Variants in RNF8 observed in about 807,000 individuals in gnomAD.
The protein encoded by RNF8 is E3 ubiquitin-protein ligase RNF8.
In RNF8, 8 loss-of-function variants were observed where a neutral mutation model predicts 59.3. The ratio of observed to expected loss-of-function variants is 0.13; its 90% CI spans 0.08 to 0.24. The LOEUF (loss-of-function observed/expected upper bound fraction) is 0.24. RNF8 is among the 10% of genes least tolerant of loss of function. The probability of loss-of-function intolerance (pLI) is 1.00; values close to 1 mark genes in which losing one functional copy is unlikely to be tolerated. For synonymous variants in RNF8, 162 were observed against 200.0 expected (o/e 0.81, Z 1.60); for missense variants, 406 against 572.6 (o/e 0.71, Z 2.97).
intron 2 of RNF8, among the ~76,000 whole-genome samples, chr6:37,366,229 C>T (rs771644552): frequency 3.3e-5 from 5 of 152,094 alleles, no homozygotes; most frequent in Non-Finnish European, 5.9e-5. Flanking sequence ...TTTATTTTAC[C>T]TTATCTTAGC....
In RNF8 at chr6:37,393,722, C is replaced by T. The variant is rs1770787380; in HGVS notation, c.*2964C>T. The T allele has an allele frequency of 3.9e-5, 6 of 152,260 alleles. No homozygotes were observed. The highest frequency in any genetic ancestry group is 3.9e-4 in the Admixed American group (6 of 15,292). 9.4% of individuals were successfully genotyped at this position (152,260 alleles called of 1,614,324 possible). On this transcript the variant is annotated 3_prime_UTR_variant, in exon 8 of 8. Transcript: ENST00000373479. ...GGCATGTTTCATCCCAACAATCAGA[C>T]TGTGCCAAAGCAGGGGACTTTGTCC...
chr6:37,369,864 A>G (rs1018696631), intron 3 of RNF8: 3 of 152,532 alleles, frequency 2.0e-5, no homozygotes, highest in African/African-American at 7.2e-5. Flanking sequence ...CACAGTGCCT[A>G]TAGTAGGAAG....
chr6:37,383,471 C>T (rs981974526), intron 7 of RNF8, among the ~76,000 whole-genome samples: 1 of 152,194 alleles, frequency 6.6e-6, no homozygotes, highest in Non-Finnish European at 1.5e-5. Context: ...GTCAGAGTCC[C>T]ATCACTGCAG....
At position 37,368,348 on chromosome 6, in the gene RNF8, A is replaced by G. The variant is rs574646845; in HGVS notation, c.241-136A>G. On this transcript the variant is annotated intron_variant, in intron 2 of 7. Transcript: ENST00000373479. ...ATGCTGTTTCTAAGGATGGTCGTTT[A>G]TGAATCTTTCTTTTCTATTTGTTAT... The G allele has an allele frequency of 1.7e-5, 27 of 1,598,588 alleles. No individual in the cohort carries two copies. In the African/African-American group the frequency reaches 3.2e-4, roughly 19 times the overall value.
rs181399501 is a variant in RNF8, at chr6:37,358,824, C to T, written c.112-1622C>T. On this transcript the variant is annotated intron_variant, in intron 1 of 7. Coordinates refer to ENST00000373479, the MANE Select transcript of RNF8 (RefSeq NM_003958.4). ...AGAAGAATATGCAGGGAGCCGGGCG[C>T]GGTGGCTCACACCTGTAATCCCAGC... Among the ~76,000 whole-genome samples, 10 of 152,154 alleles carry T rather than the reference C, an allele frequency of 6.6e-5. No homozygotes were observed. The East Asian group carries it at 1.5e-3, about 24-fold the overall frequency.
chr6:37,359,061 A>G, intron 1 of RNF8: 1 of 364,446 alleles, frequency 2.7e-6, no homozygotes, highest in South Asian at 2.2e-5. Flanking sequence ...GTGCCACTGC[A>G]CTCCAGCCTG....
At chr6:37,370,522 G>C (rs906979980) in intron 3 of RNF8, among the ~76,000 whole-genome samples, 3 of 152,114 alleles carry the variant, frequency 2.0e-5, no homozygotes, top group Non-Finnish European at 4.4e-5. Flanking sequence ...TGTTAAAGGC[G>C]AAAGGATTGG....
At chr6:37,371,459 CCT>C (rs1666823287) in intron 3 of RNF8, 51 bp from the exon 4 acceptor site, 1 of 1,503,662 alleles carries the variant, frequency 6.7e-7, no homozygotes, top group African/African-American at 1.4e-5. Flanking sequence ...GGATTGTGTT[CCT>C]TTTTTTCTTT....
intron 2 of RNF8, among the ~76,000 whole-genome samples, chr6:37,364,518 G>A (rs537204569): frequency 1.5e-4 from 23 of 152,128 alleles, no homozygotes; most frequent in African/African-American, 4.3e-4. Context: ...ATATATTGAC[G>A]GATACATACT....
chr6:37,363,468 A>T (rs1769408610), intron 2 of RNF8, among the ~76,000 whole-genome samples: 1 of 152,242 alleles, frequency 6.6e-6, no homozygotes, highest in African/African-American at 2.4e-5. Flanking sequence ...TTTAAAAATG[A>T]GCAAGAGACA....
intron 3 of RNF8, chr6:37,370,050 T>A (rs183478356): frequency 3.3e-5 from 5 of 152,376 alleles, no homozygotes; most frequent in Non-Finnish European, 7.3e-5. Flanking sequence ...CCCACCCAGT[T>A]GCTCAGATAA....
chr6:37,375,653 C>G (rs1326002859), intron 5 of RNF8, among the ~76,000 whole-genome samples: 11 of 152,152 alleles, frequency 7.2e-5, no homozygotes, highest in Admixed American at 7.2e-4. Context: ...CTTTTTAAAC[C>G]CAGTGATTCA....
chr6:37,387,857 A>G (rs1320229634), intron 7 of RNF8, among the ~76,000 whole-genome samples: 1 of 152,198 alleles, frequency 6.6e-6, no homozygotes. Context: ...ATTTTAGGTG[A>G]AAGGACAAGA....
intron 1 of RNF8, chr6:37,359,336 G>A: frequency 2.7e-6 from 1 of 371,284 alleles, no homozygotes; most frequent in Middle Eastern, 3.7e-4. Context: ...ATTATAACTG[G>A]CTGAAGGTAT....
chr6:37,356,694 G>T (rs868457354), intron 1 of RNF8, among the ~76,000 whole-genome samples: 32 of 152,158 alleles, frequency 2.1e-4, no homozygotes, highest in African/African-American at 6.5e-4. Flanking sequence ...TAAGTTTTCT[G>T]CCCCAAGGGA....
At chr6:37,375,670 C>G (rs1769983052) in intron 5 of RNF8, among the ~76,000 whole-genome samples, 1 of 152,182 alleles carries the variant, frequency 6.6e-6, no homozygotes. Flanking sequence ...TTCATAAGTT[C>G]TCAGGGAATT....
At chr6:37,380,525 G>A (rs888240833) in intron 6 of RNF8, among the ~76,000 whole-genome samples, 1 of 151,746 alleles carries the variant, frequency 6.6e-6, no homozygotes, top group Non-Finnish European at 1.5e-5. Flanking sequence ...AAAAAAATTA[G>A]CCGGGTGTAG....
chr6:37,369,684 C>G (rs1039810094), intron 3 of RNF8: 2 of 156,026 alleles, frequency 1.3e-5, no homozygotes, highest in Non-Finnish European at 2.8e-5. Context: ...TTCCTCTGCC[C>G]TGGTACCTGA....
At chr6:37,362,748 G>C (rs964631291) in intron 2 of RNF8, among the ~76,000 whole-genome samples, 1 of 152,238 alleles carries the variant, frequency 6.6e-6, no homozygotes, top group Non-Finnish European at 1.5e-5. Flanking sequence ...TCAAGAGATA[G>C]GTGTTTCTAA....
Sources: allele counts gnomAD v4.1 joint callset (sites outside exome capture counted in the v4.1 genomes callset), GRCh38; gene constraint gnomAD v4.1.1; transcripts MANE v1.5; gene names NCBI Gene and HGNC (gene_info 2026-07-23, HGNC 2026-07-21).